NT5C3B: variants seen among roughly 807,000 people sequenced by gnomAD.
NT5C3B encodes the protein 7-methylguanosine phosphate-specific 5'-nucleotidase.
In NT5C3B, 28 loss-of-function variants were observed where a neutral mutation model predicts 32.5. That is an observed-to-expected ratio of 0.86 (90% CI 0.64 to 1.18). The LOEUF is 1.18. Ranked by LOEUF, NT5C3B falls within the 50% of genes most tolerant of loss-of-function variation. NT5C3B has a pLI of 0.00. For synonymous variants in NT5C3B, 138 were observed against 118.0 expected, an observed-to-expected ratio of 1.17 and a Z score of -1.10; for missense variants, 317 against 322.0, an observed-to-expected ratio of 0.98 and a Z score of 0.12.
In NT5C3B at chr17:41,836,100, C is replaced by G. The variant is rs1196295242; in HGVS notation, c.12+82G>C. 8 of 1,340,860 alleles carry G rather than the reference C, an allele frequency of 6.0e-6. 1 individual carries two copies. The South Asian group carries it at 1.7e-4, about 28-fold the overall frequency. 83.1% of individuals were successfully genotyped at this position (1,340,860 alleles called of 1,614,324 possible). A position where few individuals can be genotyped will look rare whatever the true frequency, so the allele number is the denominator to read the frequency against. The stretch of plus-strand genomic sequence containing the variant: ...TGGCCTGGGTGAAGCGGCGGTGCCT[C>G]GGTGACCAGCTGGGGGGCTCGAAGC... On this transcript the variant is annotated intron_variant, in intron 1 of 8. Coordinates refer to ENST00000435506, the MANE Select transcript of NT5C3B (RefSeq NM_052935.5).
chr17:41,828,585 C>T, intron 7 of NT5C3B: 2 of 456,332 alleles, frequency 4.4e-6, no homozygotes, highest in Non-Finnish European at 3.9e-6. Flanking sequence ...GATCCGCCCG[C>T]CTCGGCCTCC....
intron 5 of NT5C3B, 43 bp downstream of exon 5, chr17:41,832,349 C>T (rs7208062): frequency 0.74 from 1,150,174 of 1,550,330 alleles, 431,123 homozygotes; most frequent in Admixed American, 0.85. Flanking sequence ...CAGCCTACTC[C>T]ATCTCAAGGG....
intron 4 of NT5C3B, among the ~76,000 whole-genome samples, chr17:41,834,581 T>C (rs2048111700): frequency 6.6e-6 from 1 of 152,120 alleles, no homozygotes; most frequent in Non-Finnish European, 1.5e-5. Context: ...ACCCCATCTC[T>C]ACAAAAAATT....
intron 6 of NT5C3B, among the ~76,000 whole-genome samples, chr17:41,829,990 G>A (rs1275573965): frequency 6.6e-6 from 1 of 152,116 alleles, no homozygotes; most frequent in Admixed American, 6.6e-5. Context: ...GACTTTTCAG[G>A]AGCTAGCCAA....
At chr17:41,829,085 A>G in intron 6 of NT5C3B, 133 bp from the exon 7 acceptor site, 1 of 687,640 alleles carries the variant, frequency 1.5e-6, no homozygotes, top group Non-Finnish European at 2.4e-6. Flanking sequence ...GCAGTGGCAC[A>G]ATCACAGTTC....
intron 4 of NT5C3B, among the ~76,000 whole-genome samples, chr17:41,833,930 TA>T (rs1231340875): frequency 1.3e-5 from 2 of 152,168 alleles, no homozygotes; most frequent in Non-Finnish European, 2.9e-5. Flanking sequence ...ATTGACCAAG[TA>T]AAGAATTTTA....
chr17:41,826,180 A>T (rs60588087), intron 8 of NT5C3B, among the ~76,000 whole-genome samples: 1 of 150,198 alleles, frequency 6.7e-6, no homozygotes, highest in East Asian at 2.0e-4. Flanking sequence ...AAAAAAAAAA[A>T]CAGATGTTGC....
At chr17:41,828,635 C>A (rs892278448) in intron 7 of NT5C3B, 155 bp downstream of exon 7, 2 of 706,752 alleles carry the variant, frequency 2.8e-6, no homozygotes, top group African/African-American at 1.8e-5. Context: ...CCGCGCCTGG[C>A]CAAAAAGTAA....
At chr17:41,835,307 C>CA in intron 2 of NT5C3B, 35 bp from the exon 3 acceptor site, 1 of 1,569,588 alleles carries the variant, frequency 6.4e-7, no homozygotes, top group Non-Finnish European at 8.8e-7. Context: ...CCTAAATAGG[C>CA]ACCAGAATTC....
chr17:41,829,101 G>A lies in NT5C3B; in HGVS notation c.405-149C>T, dbSNP rs540218749. 175 of 591,172 alleles carry A rather than the reference G, an allele frequency of 3.0e-4. 2 individuals are homozygous for A. Among genetic ancestry groups the A allele is most frequent in the African/African-American group, 2.1e-3 (111 of 53,476 alleles). 36.6% of individuals were successfully genotyped at this position (591,172 alleles called of 1,614,324 possible). On this transcript the variant is annotated intron_variant, in intron 6 of 8. Coordinates refer to ENST00000435506, the MANE Select transcript of NT5C3B (RefSeq NM_052935.5). ...CAGTGGCACAATCACAGTTCACTGC[G>A]ACCTCGACCTCCCGAGTTCAAGTGA...
Position 41,834,393 on chromosome 17 carries a change from TACACACAC to T in NT5C3B, c.228+669_228+676del, listed in dbSNP as rs56965181. Among the ~76,000 whole-genome samples the T allele has an allele frequency of 3.1e-4, 44 of 139,754 alleles. No individual in the cohort carries two copies. In the East Asian group the frequency reaches 4.4e-3, roughly 14 times the overall value. The allele number at this position is 139,754 out of a possible 152,430, so 91.7% of individuals were successfully genotyped here. A position where few individuals can be genotyped will look rare whatever the true frequency, so the allele number is the denominator to read the frequency against. On this transcript the variant is annotated intron_variant, in intron 4 of 8. Coordinates refer to ENST00000435506, the MANE Select transcript of NT5C3B (RefSeq NM_052935.5). The stretch of plus-strand genomic sequence containing the variant: ...CAAGACTCTGTCTCAAAAAAAAAAA[TACACACAC>T]ACACACACACACACACACACACACT...
At chr17:41,832,896 A>G (rs1555619247) in intron 4 of NT5C3B, among the ~76,000 whole-genome samples, 1 of 152,210 alleles carries the variant, frequency 6.6e-6, no homozygotes, top group Non-Finnish European at 1.5e-5. Flanking sequence ...ATGCAACTTC[A>G]TCTAAGAGAG....
intron 5 of NT5C3B, among the ~76,000 whole-genome samples, chr17:41,831,906 A>G (rs556615332): frequency 5.9e-5 from 9 of 152,184 alleles, no homozygotes; most frequent in Non-Finnish European, 1.0e-4. Flanking sequence ...AATAGAAAAA[A>G]TGAGCCAGGC....
In NT5C3B at chr17:41,836,212, G is replaced by C. The variant is rs1306275451; in HGVS notation, c.-19C>G. The C allele has an allele frequency of 5.6e-6, 7 of 1,240,524 alleles. No individual in the cohort carries two copies. The highest frequency in any genetic ancestry group is 4.7e-5 in the African/African-American group (3 of 63,776). The allele number at this position is 1,240,524 out of a possible 1,614,324, so 76.8% of individuals were successfully genotyped here. A position where few individuals can be genotyped will look rare whatever the true frequency, so the allele number is the denominator to read the frequency against. On this transcript the variant is annotated 5_prime_UTR_variant, in exon 1 of 9. Transcript: ENST00000435506. ...CTGCCATCCCGTTCGAGGCCTGGTC[G>C]GCGGCTCGCGGGACAACGACAGCCC... is the stretch of plus-strand genomic sequence containing the variant.
At chr17:41,830,584 A>T (rs1178316123) in intron 6 of NT5C3B, among the ~76,000 whole-genome samples, 1 of 152,228 alleles carries the variant, frequency 6.6e-6, no homozygotes, top group Non-Finnish European at 1.5e-5. Flanking sequence ...TCTCAGAGAT[A>T]GTGCCCTGGC....
rs145456517 is a variant in NT5C3B at position 41,832,538 on chromosome 17, C to T, written c.229-61G>A. On this transcript the variant is annotated intron_variant, in intron 4 of 8. Transcript: ENST00000435506. The stretch of plus-strand genomic sequence containing the variant: ...CATATCAAGTTCTTCCCAGCAACGT[C>T]CTACAGCTTAGTATGAGAAAAAAGT... 2,527 of 1,481,354 alleles carry T rather than the reference C, an allele frequency of 1.7e-3. 4 individuals carry two copies. Among genetic ancestry groups the T allele is most frequent in the Non-Finnish European group, 2.0e-3 (2,169 of 1,063,794 alleles). The allele number at this position is 1,481,354 out of a possible 1,614,324, so 91.8% of individuals were successfully genotyped here. A position where few individuals can be genotyped will look rare whatever the true frequency, so the allele number is the denominator to read the frequency against.
chr17:41,830,981 A>T (rs2048041995), intron 5 of NT5C3B, 91 bp from the exon 6 acceptor site: 4 of 835,490 alleles, frequency 4.8e-6, no homozygotes, highest in Non-Finnish European at 8.1e-6. Context: ...ACCCTCTGAC[A>T]GCATTGCCGA....
At chr17:41,828,500 C>T (rs1160545233) in intron 7 of NT5C3B, 1 of 246,580 alleles carries the variant, frequency 4.1e-6, no homozygotes, top group Non-Finnish European at 8.0e-6. Flanking sequence ...CCACGCCCGG[C>T]TTATTTCTGT....
At chr17:41,832,616 C>T (rs1480811515) in intron 4 of NT5C3B, 139 bp from the exon 5 acceptor site, 3 of 582,180 alleles carry the variant, frequency 5.2e-6, no homozygotes, top group South Asian at 1.9e-5. Flanking sequence ...ACCTGCAATC[C>T]CAGTGCTTTA....
Sources: gnomAD v4.1 joint callset for allele counts (sites outside exome capture counted in the v4.1 genomes callset) on GRCh38, gnomAD v4.1.1 for gene constraint, MANE v1.5 for transcripts, NCBI Gene and HGNC (gene_info 2026-07-23, HGNC 2026-07-21) for gene names.